PCDH9: variants seen among roughly 807,000 people sequenced by gnomAD.
PCDH9 encodes protocadherin 9.
A neutral mutation model predicts 70.6 loss-of-function variants in PCDH9; 24 were observed. The observed-to-expected ratio is 0.34, with a 90% CI of 0.25 to 0.48. PCDH9 has a LOEUF of 0.48. PCDH9 is among the 20% of genes least tolerant of loss of function. PCDH9 has a pLI of 0.99. For synonymous variants in PCDH9, 562 were observed against 558.5 expected, an observed-to-expected ratio of 1.01 and a Z score of -0.09; for missense variants, 1,281 against 1,503.6, an observed-to-expected ratio of 0.85 and a Z score of 2.45.
intron 4 of PCDH9, among the ~76,000 whole-genome samples, chr13:66,567,465 A>G (rs2076670127): frequency 6.6e-6 from 1 of 152,122 alleles, no homozygotes; most frequent in African/African-American, 2.4e-5. Flanking sequence ...TATTACTTCA[A>G]TGTGTTCCAT....
chr13:66,497,483 T>C (rs1959134929), intron 4 of PCDH9, among the ~76,000 whole-genome samples: 1 of 152,182 alleles, frequency 6.6e-6, no homozygotes, highest in South Asian at 2.1e-4. Flanking sequence ...GTTGAATTTC[T>C]CATTTGCCCA....
At chr13:66,631,140 T>G in intron 4 of PCDH9, 70 bp downstream of exon 4, 2 of 779,482 alleles carry the variant, frequency 2.6e-6, no homozygotes, top group Non-Finnish European at 4.6e-6. Flanking sequence ...CCTACAATTA[T>G]TTTTGAAAGC....
intron 4 of PCDH9, among the ~76,000 whole-genome samples, chr13:66,601,755 T>C (rs961991677): frequency 6.9e-6 from 1 of 145,960 alleles, no homozygotes. Flanking sequence ...CTAAAAAGAT[T>C]AAAATGGAAC....
Position 66,849,507 on chromosome 13 carries a change from T to TAGAGAGAG in PCDH9, c.3138+53996_3138+53997insCTCTCTCT, listed in dbSNP as rs1302157476. Among the ~76,000 whole-genome samples, 193 of 89,954 alleles carry TAGAGAGAG rather than the reference T, an allele frequency of 2.1e-3. 2 individuals are homozygous for TAGAGAGAG. Among genetic ancestry groups the TAGAGAGAG allele is most frequent in the African/African-American group, 7.9e-3 (144 of 18,296 alleles). The allele number at this position is 89,954 out of a possible 152,430, so 59.0% of individuals were successfully genotyped here. On this transcript the variant is annotated intron_variant, in intron 3 of 4. Coordinates refer to ENST00000377865, the MANE Select transcript of PCDH9 (RefSeq NM_203487.3). ...GTAGGTATATATATATATATATATA[T>TAGAGAGAG]ATATATATATAGAGAGAGAGAGAGA...
intron 3 of PCDH9, among the ~76,000 whole-genome samples, chr13:66,691,028 T>G (rs1281733015): frequency 1.3e-5 from 2 of 152,032 alleles, no homozygotes; most frequent in Non-Finnish European, 2.9e-5. Context: ...TTTGTAAATT[T>G]TATTTATTTA....
At chr13:67,211,912 A>G (rs544295486) in intron 2 of PCDH9, 29 of 152,100 alleles carry the variant, frequency 1.9e-4, no homozygotes, top group Non-Finnish European at 4.1e-4. Flanking sequence ...TCAAAATATC[A>G]TGACTTGAAA....
chr13:66,445,720 A>C (rs1310977524), intron 4 of PCDH9, among the ~76,000 whole-genome samples: 2 of 145,602 alleles, frequency 1.4e-5, no homozygotes, highest in Non-Finnish European at 3.0e-5. Context: ...ACACATATAT[A>C]ATACATACAC....
chr13:66,550,450 C>T (rs1487381969), intron 4 of PCDH9, among the ~76,000 whole-genome samples: 2 of 152,102 alleles, frequency 1.3e-5, no homozygotes, highest in African/African-American at 4.8e-5. Context: ...TGTGGACACC[C>T]TGATATATTT....
intron 4 of PCDH9, among the ~76,000 whole-genome samples, chr13:66,363,307 T>C (rs1032618329): frequency 5.3e-5 from 8 of 152,186 alleles, no homozygotes; most frequent in African/African-American, 1.9e-4. Flanking sequence ...TTTTCCTCAT[T>C]AGGAAATTTA....
At chr13:66,430,771 A>G (rs537804705) in intron 4 of PCDH9, among the ~76,000 whole-genome samples, 10 of 152,092 alleles carry the variant, frequency 6.6e-5, no homozygotes, top group Non-Finnish European at 1.3e-4. Flanking sequence ...CAATTATTTG[A>G]AATGCAGTGT....
At chr13:66,637,409 T>A (rs1381873258) in intron 3 of PCDH9, among the ~76,000 whole-genome samples, 3 of 152,202 alleles carry the variant, frequency 2.0e-5, no homozygotes, top group Non-Finnish European at 4.4e-5. Flanking sequence ...TCAAGAATAA[T>A]AAATAGTTTT....
intron 4 of PCDH9, among the ~76,000 whole-genome samples, chr13:66,548,981 A>G (rs1961344646): frequency 6.6e-6 from 1 of 152,076 alleles, no homozygotes; most frequent in Non-Finnish European, 1.5e-5. Flanking sequence ...AGTTTCTTTT[A>G]TTTGGATAAT....
At chr13:67,135,564 C>T (rs1457493186) in intron 2 of PCDH9, among the ~76,000 whole-genome samples, 2 of 151,966 alleles carry the variant, frequency 1.3e-5, no homozygotes, top group Non-Finnish European at 2.9e-5. Context: ...TTACTAGAAA[C>T]GGTAATTTCA....
At chr13:66,632,942 A>C (rs2077590565) in intron 3 of PCDH9, among the ~76,000 whole-genome samples, 1 of 152,134 alleles carries the variant, frequency 6.6e-6, no homozygotes, top group Admixed American at 6.6e-5. Context: ...TTCAAGAGAC[A>C]ATTTATAGAT....
chr13:66,637,869 A>C (rs904098801), intron 3 of PCDH9, among the ~76,000 whole-genome samples: 1 of 151,710 alleles, frequency 6.6e-6, no homozygotes, highest in Non-Finnish European at 1.5e-5. Context: ...AGCCGAGATC[A>C]TGCCACTGAA....
chr13:66,393,396 T>G (rs897843659), intron 4 of PCDH9, among the ~76,000 whole-genome samples: 1 of 152,272 alleles, frequency 6.6e-6, no homozygotes, highest in Non-Finnish European at 1.5e-5. Context: ...GAGTTGGCAC[T>G]GTTTCTTCAA....
intron 4 of PCDH9, among the ~76,000 whole-genome samples, chr13:66,381,654 C>G (rs1956850231): frequency 6.6e-6 from 1 of 152,090 alleles, no homozygotes; most frequent in South Asian, 2.1e-4. Context: ...GTCAGTAAAG[C>G]AAACAAAGGC....
intron 2 of PCDH9, among the ~76,000 whole-genome samples, chr13:66,923,382 T>A (rs974056704): frequency 6.6e-6 from 1 of 151,512 alleles, no homozygotes; most frequent in Admixed American, 6.6e-5. Context: ...CATAACAGAG[T>A]TCTTTCTAAA....
chr13:66,882,387 T>G (rs2081936553), intron 3 of PCDH9, among the ~76,000 whole-genome samples: 1 of 152,192 alleles, frequency 6.6e-6, no homozygotes, highest in African/African-American at 2.4e-5. Flanking sequence ...TGCCACAGTT[T>G]TGCTCCTGCT....
Sources: gnomAD v4.1 joint callset for allele counts (sites outside exome capture counted in the v4.1 genomes callset) on GRCh38, gnomAD v4.1.1 for gene constraint, MANE v1.5 for transcripts, NCBI Gene and HGNC (gene_info 2026-07-23, HGNC 2026-07-21) for gene names.